Variants in BNC2 observed in about 807,000 individuals in gnomAD.
BNC2 encodes basonuclin zinc finger protein 2, also known as zinc finger protein basonuclin-2.
Under a neutral mutation model 76.3 loss-of-function variants are expected in BNC2, and 20 were observed. The ratio of observed to expected loss-of-function variants is 0.26; its 90% CI spans 0.18 to 0.38. The LOEUF is 0.38. Ranked by LOEUF, BNC2 falls within the 10% of genes least tolerant of loss-of-function variation. BNC2 has a pLI of 1.00. For missense variants in BNC2, 1,382 were observed against 1,399.8 expected, an observed-to-expected ratio of 0.99 and a Z score of 0.20; for synonymous variants, 582 against 514.8, an observed-to-expected ratio of 1.13 and a Z score of -1.77.
At position 16,414,340 on chromosome 9, in the gene BNC2, T is replaced by A. The variant is rs1587001240; in HGVS notation, c.*4649A>T. On this transcript the variant is annotated 3_prime_UTR_variant, in exon 7 of 7. Coordinates refer to ENST00000380672, the MANE Select transcript of BNC2 (RefSeq NM_017637.6). ...GGCAGGAACCGACCCTCTACTTAGTTCTGATGAAAACACTGTGATCCCTCC... is the reference window on the plus strand; with the variant it reads ...GGCAGGAACCGACCCTCTACTTAGTACTGATGAAAACACTGTGATCCCTCC... The A allele has an allele frequency of 3.3e-5, 5 of 152,326 alleles. No homozygotes were observed. In the East Asian group the frequency reaches 9.6e-4, roughly 29 times the overall value. 9.4% of individuals were successfully genotyped at this position (152,326 alleles called of 1,614,324 possible). A position where few individuals can be genotyped will look rare whatever the true frequency, so the allele number is the denominator to read the frequency against.
At chr9:16,455,344 A>G (rs1821424254) in intron 5 of BNC2, among the ~76,000 whole-genome samples, 1 of 152,226 alleles carries the variant, frequency 6.6e-6, no homozygotes, top group African/African-American at 2.4e-5. Context: ...ACATAGATAC[A>G]TGAAAGGAGA....
chr9:16,604,341 C>T (rs994937865), intron 3 of BNC2, among the ~76,000 whole-genome samples: 13 of 152,246 alleles, frequency 8.5e-5, no homozygotes, highest in Middle Eastern at 3.4e-3. Flanking sequence ...CACAGAACTG[C>T]TATGTTTATT....
rs1192660115 is a variant in BNC2 at position 16,767,631 on chromosome 9, T to C, written c.4-29146A>G. ...GTTGTATGCTCTGCCAAGAGGTTCA[T>C]ATATTATCTATAGACAGTGTAAAGC... On this transcript the variant is annotated intron_variant, in intron 1 of 6. Coordinates refer to ENST00000380672, the MANE Select transcript of BNC2 (RefSeq NM_017637.6). Among the ~76,000 whole-genome samples, 3 of 152,196 alleles carry C rather than the reference T, an allele frequency of 2.0e-5. No homozygotes were observed. The East Asian group carries it at 5.8e-4, about 29-fold the overall frequency.
chr9:16,807,191 G>T (rs952639379), intron 1 of BNC2, among the ~76,000 whole-genome samples: 10 of 152,034 alleles, frequency 6.6e-5, no homozygotes, highest in African/African-American at 1.9e-4. Flanking sequence ...ACCATTCTGG[G>T]ACAATAAAAA....
intron 3 of BNC2, among the ~76,000 whole-genome samples, chr9:16,608,969 C>T (rs900844338): frequency 7.2e-5 from 11 of 152,056 alleles, no homozygotes; most frequent in African/African-American, 2.7e-4. Context: ...CATACCTTGC[C>T]AACCTAAGTT....
At chr9:16,559,524 T>C (rs1242083856) in intron 4 of BNC2, among the ~76,000 whole-genome samples, 24 of 152,194 alleles carry the variant, frequency 1.6e-4, no homozygotes, top group Non-Finnish European at 1.5e-5. Context: ...GCAACTTCAT[T>C]CAAGAAAATT....
chr9:16,593,072 TA>T (rs1280862618), intron 3 of BNC2, among the ~76,000 whole-genome samples: 1 of 151,784 alleles, frequency 6.6e-6, no homozygotes, highest in African/African-American at 2.4e-5. Context: ...ATCAAAGTAT[TA>T]AAAAAATTCT....
intron 4 of BNC2, among the ~76,000 whole-genome samples, chr9:16,555,704 A>C (rs1016054212): frequency 2.0e-5 from 3 of 152,134 alleles, no homozygotes; most frequent in African/African-American, 7.2e-5. Flanking sequence ...CTGGAGTAGG[A>C]GGATTATCTG....
intron 1 of BNC2, among the ~76,000 whole-genome samples, chr9:16,828,927 C>CT (rs558665409): frequency 5.5e-4 from 84 of 151,784 alleles, no homozygotes; most frequent in African/African-American, 1.9e-3. Flanking sequence ...CAGCGTATGA[C>CT]TAGATGGCCC....
chr9:16,530,112 C>A (rs1159564091), intron 5 of BNC2, among the ~76,000 whole-genome samples: 1 of 151,844 alleles, frequency 6.6e-6, no homozygotes, highest in Non-Finnish European at 1.5e-5. Flanking sequence ...CTTCGGCCTC[C>A]CAAAGTGCAT....
Position 16,419,065 on chromosome 9 carries a change from G to A in BNC2, c.3224C>T (p.Ser1075Phe). Reference protein sequence around the residue: ...CKVPGCNMMFSSVRSRNRHSQ... With the variant: ...CKVPGCNMMFFSVRSRNRHSQ... ...GTGCCGATTTCGGCTTCGTACAGAG[G>A]AAAACATCATATTGCAACCTGGGAC... Residue 1075 changes from serine to phenylalanine, a missense_variant, in exon 7 of 7, where the codon TCC becomes TTC. This residue lies in a region of BNC2 where 798 missense variants were observed against 775.5 expected (regional missense o/e 1.03). Coordinates refer to ENST00000380672, the MANE Select transcript of BNC2 (RefSeq NM_017637.6). 6.2e-7 allele frequency: 1 copy of A among 1,614,172 alleles called. No individual in the cohort carries two copies. Among genetic ancestry groups the A allele is most frequent in the Non-Finnish European group, 8.5e-7 (1 of 1,180,028 alleles).
intron 1 of BNC2, among the ~76,000 whole-genome samples, chr9:16,756,983 T>A (rs563954818): frequency 5.8e-3 from 479 of 82,286 alleles, no homozygotes; most frequent in African/African-American, 0.015. Context: ...ACAGCGAGAC[T>A]CTGTCTCAAA....
intron 1 of BNC2, among the ~76,000 whole-genome samples, chr9:16,750,284 T>C (rs931061312): frequency 6.6e-6 from 1 of 152,250 alleles, no homozygotes; most frequent in African/African-American, 2.4e-5. Flanking sequence ...TACTATACAG[T>C]TAAAATATTT....
chr9:16,855,436 T>TA (rs1405127396), intron 1 of BNC2, among the ~76,000 whole-genome samples: 1 of 152,156 alleles, frequency 6.6e-6, no homozygotes, highest in African/African-American at 2.4e-5. Context: ...TATTCTAAAA[T>TA]AAAAAAAGGT....
chr9:16,488,085 T>C (rs1174226955), intron 5 of BNC2, among the ~76,000 whole-genome samples: 1 of 152,176 alleles, frequency 6.6e-6, no homozygotes, highest in African/African-American at 2.4e-5. Flanking sequence ...ATATTCCCCA[T>C]AGCATGCAAA....
intron 3 of BNC2, among the ~76,000 whole-genome samples, chr9:16,676,046 C>G (rs1822630967): frequency 6.6e-6 from 1 of 152,124 alleles, no homozygotes; most frequent in South Asian, 2.1e-4. Flanking sequence ...GCCTGGGTGA[C>G]AAAGCGAGAC....
At chr9:16,634,897 C>A (rs1235295337) in intron 3 of BNC2, among the ~76,000 whole-genome samples, 1 of 147,072 alleles carries the variant, frequency 6.8e-6, no homozygotes, top group South Asian at 2.1e-4. Flanking sequence ...TTTTTTTTTT[C>A]TTTTAATCCA....
intron 3 of BNC2, among the ~76,000 whole-genome samples, chr9:16,721,109 C>A (rs1209629342): frequency 6.6e-6 from 1 of 152,106 alleles, no homozygotes; most frequent in Non-Finnish European, 1.5e-5. Flanking sequence ...ATGTGGGGAC[C>A]CTGGATGTCA....
intron 3 of BNC2, among the ~76,000 whole-genome samples, chr9:16,695,476 G>A (rs145608935): frequency 3.3e-5 from 5 of 150,436 alleles, no homozygotes; most frequent in East Asian, 2.0e-4. Context: ...AAATACCCAC[G>A]TGCCCTGCAA....
Sources: allele counts gnomAD v4.1 joint callset (sites outside exome capture counted in the v4.1 genomes callset), GRCh38; gene constraint gnomAD v4.1.1; regional missense constraint gnomAD v4.1.1; transcripts MANE v1.5; gene names NCBI Gene and HGNC (gene_info 2026-07-23, HGNC 2026-07-21).